The following APAF1 variants were observed in gnomAD, a reference collection of about 807,000 sequenced individuals.
The protein encoded by APAF1 is apoptotic peptidase activating factor 1, also known as apoptotic protease-activating factor 1.
In APAF1, 91 loss-of-function variants were observed where a neutral mutation model predicts 152.4. That is an observed-to-expected ratio of 0.60 (90% confidence interval 0.50 to 0.71). APAF1 has a LOEUF of 0.71. APAF1 is among the 30% of genes least tolerant of loss of function. The pLI, the probability that APAF1 is intolerant of heterozygous loss-of-function variation, is 0.00. For synonymous variants in APAF1, 484 were observed against 494.1 expected, an observed-to-expected ratio of 0.98 and a Z score of 0.27; for missense variants, 1,283 against 1,472.0, an observed-to-expected ratio of 0.87 and a Z score of 2.10.
At chr12:98,669,124 A>G (rs2097676958) in intron 10 of APAF1, among the ~76,000 whole-genome samples, 2 of 152,182 alleles carry the variant, frequency 1.3e-5, no homozygotes, top group African/African-American at 4.8e-5. Context: ...TATTCCAATA[A>G]ATACTTGTGC....
chr12:98,665,516 A>C, intron 7 of APAF1, 37 bp from the exon 8 acceptor site: 1 of 1,348,170 alleles, frequency 7.4e-7, no homozygotes, highest in African/African-American at 1.4e-5. Context: ...ACAAAATAGG[A>C]TGGTATTAGC....
chr12:98,665,278 A>ATATATATATATATATATATT (rs1491316422), intron 7 of APAF1, among the ~76,000 whole-genome samples: 16 of 65,976 alleles, frequency 2.4e-4, no homozygotes, highest in African/African-American at 7.9e-4. Flanking sequence ...ATATATATAT[A>ATATATATATATATATATATT]TTTTTTTTTT....
At chr12:98,651,840 G>C (rs2097649357) in intron 4 of APAF1, among the ~76,000 whole-genome samples, 1 of 151,622 alleles carries the variant, frequency 6.6e-6, no homozygotes, top group Admixed American at 6.6e-5. Flanking sequence ...TATGAAACAG[G>C]GTCTTGCTTT....
At position 98,658,673 on chromosome 12, in the gene APAF1, A is replaced by AC. The variant is rs974880106; in HGVS notation, c.527-480dup. On this transcript the variant is annotated intron_variant, in intron 4 of 26. Transcript: ENST00000551964. ...AGTTCTCAACGAGGGGTGATTTCAC[A>AC]CCCCCCCAGGTGACATTTGACAATG... is the stretch of plus-strand genomic sequence containing the variant. Among the ~76,000 whole-genome samples the AC allele has an allele frequency of 9.9e-5, 15 of 151,810 alleles. 1 individual carries two copies. The highest frequency in any genetic ancestry group is 3.3e-4 in the Admixed American group (5 of 15,216).
At chr12:98,718,885 G>A (rs1042213656) in intron 22 of APAF1, among the ~76,000 whole-genome samples, 4 of 152,066 alleles carry the variant, frequency 2.6e-5, no homozygotes, top group African/African-American at 9.7e-5. Context: ...AGTGAGCTAT[G>A]ATCATGCTAC....
chr12:98,710,213 G>C (rs1223634777), intron 20 of APAF1, among the ~76,000 whole-genome samples: 1 of 144,014 alleles, frequency 6.9e-6, no homozygotes, highest in Non-Finnish European at 1.5e-5. Flanking sequence ...TTTTAGTAGA[G>C]ATGAAACTAT....
At position 98,653,938 on chromosome 12, in the gene APAF1, C is replaced by T. The variant is rs1461182771; in HGVS notation, c.526+4254C>T. 3.3e-5 allele frequency among the ~76,000 whole-genome samples: 5 copies of T among 151,336 alleles called. No homozygotes were observed. The East Asian group carries it at 7.8e-4, about 24-fold the overall frequency. ...TGTTCCTATTTGTTTCTGTCCTTTC[C>T]AAGATTTCTTTGTGTTATTAGATTA... On this transcript the variant is annotated intron_variant, in intron 4 of 26. Transcript: ENST00000551964.
chr12:98,699,623 T>A, intron 17 of APAF1, 54 bp downstream of exon 17: 1 of 1,591,708 alleles, frequency 6.3e-7, no homozygotes, highest in East Asian at 2.2e-5. Context: ...TTAAAACTTC[T>A]GTTCATTTTT....
rs2097749224 is a variant in APAF1 at position 98,725,542 on chromosome 12, T to C, written c.3456+2T>C. 1 of 1,614,060 alleles carries C rather than the reference T, an allele frequency of 6.2e-7. No individual in the cohort carries two copies. The highest frequency in any genetic ancestry group is 8.5e-7 in the Non-Finnish European group (1 of 1,179,976). ...GGAGATGACAATGGAGAAATCAGGG[T>C]AGGCTGTTTGCTGACATGAGAGCAC... On this transcript the variant is annotated splice_donor_variant, in intron 25 of 26. Transcript: ENST00000551964. LOFTEE classifies it high-confidence loss of function.
At chr12:98,673,444 A>AC (rs1192592366) in intron 12 of APAF1, among the ~76,000 whole-genome samples, 3 of 148,710 alleles carry the variant, frequency 2.0e-5, no homozygotes, top group South Asian at 2.1e-4. Context: ...TCAAAAAACA[A>AC]AAAAAAAAAA....
intron 18 of APAF1, among the ~76,000 whole-genome samples, chr12:98,704,307 C>T (rs2153336669): frequency 6.6e-6 from 1 of 152,258 alleles, no homozygotes; most frequent in South Asian, 2.1e-4. Context: ...GTCTTCATTC[C>T]TTAGGTTGGT....
chr12:98,667,436 C>T (rs1319776805), intron 9 of APAF1, 77 bp from the exon 10 acceptor site: 1 of 1,560,930 alleles, frequency 6.4e-7, no homozygotes, highest in Admixed American at 1.7e-5. Context: ...TTCTTAATAG[C>T]TTTGGAAGCT....
intron 13 of APAF1, among the ~76,000 whole-genome samples, chr12:98,679,871 C>A (rs1201271383): frequency 6.6e-6 from 1 of 152,274 alleles, no homozygotes; most frequent in Non-Finnish European, 1.5e-5. Context: ...TCACACACGC[C>A]TCGCTGTTCC....
At chr12:98,682,001 T>C (rs570101496) in intron 14 of APAF1, among the ~76,000 whole-genome samples, 2 of 152,164 alleles carry the variant, frequency 1.3e-5, no homozygotes, top group East Asian at 1.9e-4. Flanking sequence ...TTATATGGCA[T>C]AGACTGCTTA....
intron 16 of APAF1, among the ~76,000 whole-genome samples, chr12:98,696,324 G>A (rs2097709812): frequency 6.6e-6 from 1 of 152,140 alleles, no homozygotes; most frequent in East Asian, 1.9e-4. Context: ...TGAAGATAGC[G>A]AAACCCAGGA....
chr12:98,729,286 A>G (rs566623885), intron 26 of APAF1, among the ~76,000 whole-genome samples: 258 of 152,244 alleles, frequency 1.7e-3, no homozygotes, highest in Middle Eastern at 6.8e-3. Context: ...TTGGAAGACA[A>G]TTTTTCCACA....
In APAF1 at chr12:98,733,589, C is replaced by T. The variant is rs2097765163; in HGVS notation, c.*1023C>T. On this transcript the variant is annotated 3_prime_UTR_variant, in exon 27 of 27. Coordinates refer to ENST00000551964, the MANE Select transcript of APAF1 (RefSeq NM_181861.2). Reference sequence around the variant, plus strand: ...CTGAGACTACAGGCACGAGCCACCACACCCAGCTAATTTTTAAGTTTTCTT... The same window carrying T: ...CTGAGACTACAGGCACGAGCCACCATACCCAGCTAATTTTTAAGTTTTCTT... 6.6e-6 allele frequency: 1 copy of T among 152,190 alleles called. No homozygotes were observed. The highest frequency in any genetic ancestry group is 1.5e-5 in the Non-Finnish European group (1 of 68,198). The allele number at this position is 152,190 out of a possible 1,614,324, so 9.4% of individuals were successfully genotyped here.
intron 13 of APAF1, among the ~76,000 whole-genome samples, chr12:98,678,856 A>G (rs1400331890): frequency 1.3e-5 from 2 of 152,144 alleles, no homozygotes; most frequent in Non-Finnish European, 2.9e-5. Context: ...CCCCCTCCGG[A>G]CTTTGGGTGC....
At chr12:98,724,624 G>A (rs777048128) in intron 24 of APAF1, among the ~76,000 whole-genome samples, 9 of 152,188 alleles carry the variant, frequency 5.9e-5, no homozygotes, top group African/African-American at 9.7e-5. Context: ...CTTCTGAAGC[G>A]TTTCCTGACC....
Sources: gnomAD v4.1 joint callset for allele counts (sites outside exome capture counted in the v4.1 genomes callset) on GRCh38, gnomAD v4.1.1 for gene constraint, MANE v1.5 for transcripts, NCBI Gene and HGNC (gene_info 2026-07-23, HGNC 2026-07-21) for gene names.